PRR16: variants seen among roughly 807,000 people sequenced by gnomAD.
The protein encoded by PRR16 is protein Largen.
In PRR16, 6 loss-of-function variants were observed where a neutral mutation model predicts 18.2. The ratio of observed to expected loss-of-function variants is 0.33; its 90% confidence interval spans 0.18 to 0.65. The LOEUF (loss-of-function observed/expected upper bound fraction) is 0.65, where lower values mean the gene tolerates loss of function less well. Among genes scored for constraint, PRR16 ranks in the 30% least tolerant of loss-of-function variants. The probability of loss-of-function intolerance (pLI) is 0.74; values close to 1 mark genes in which losing one functional copy is unlikely to be tolerated. For synonymous variants in PRR16, 151 were observed against 147.8 expected, an observed-to-expected ratio of 1.02 and a Z score of -0.16; for missense variants, 412 against 376.6, an observed-to-expected ratio of 1.09 and a Z score of -0.78.
chr5:120,732,406 A>G, the PRR16 span, among the ~76,000 whole-genome samples: 1 of 152,084 alleles, frequency 6.6e-6, no homozygotes, highest in African/African-American at 2.4e-5. Context: ...AATTCTTTCC[A>G]AGGGAGCAGT....
At chr5:120,531,644 T>C (rs1433617423) in intron 1 of PRR16, 1 of 152,130 alleles carries the variant, frequency 6.6e-6, no homozygotes, top group Non-Finnish European at 1.5e-5. Flanking sequence ...TCTTCATTTA[T>C]TTAGGTAGCT....
the PRR16 span, among the ~76,000 whole-genome samples, chr5:120,787,442 T>C: frequency 6.6e-6 from 1 of 152,180 alleles, no homozygotes; most frequent in African/African-American, 2.4e-5. Flanking sequence ...TATCCAATCT[T>C]AGAATCTAAT....
At chr5:120,775,872 T>C in the PRR16 span, among the ~76,000 whole-genome samples, 1 of 149,048 alleles carries the variant, frequency 6.7e-6, no homozygotes, top group Non-Finnish European at 1.5e-5. Flanking sequence ...GGTCTCGAAC[T>C]CTTGACCTCA....
At chr5:120,691,653 G>A (rs937942330), downstream of PRR16, among the ~76,000 whole-genome samples, 1 of 152,056 alleles carries the variant, frequency 6.6e-6, no homozygotes, top group African/African-American at 2.4e-5. Context: ...CCTCTAAAGC[G>A]TGCTTACAAC....
the PRR16 span, among the ~76,000 whole-genome samples, chr5:120,785,636 G>A: frequency 2.8e-5 from 4 of 143,684 alleles, no homozygotes; most frequent in South Asian, 2.3e-4. Flanking sequence ...GCAGTGGCGC[G>A]ATCTCAGCTC....
At position 120,632,275 on chromosome 5, in the gene PRR16, G is replaced by A. The variant is rs72794315; in HGVS notation, c.160-53679G>A. 3.3e-3 allele frequency among the ~76,000 whole-genome samples: 505 copies of A among 152,184 alleles called. 5 individuals are homozygous for A. Among genetic ancestry groups the A allele is most frequent in the Admixed American group, 0.01 (153 of 15,276 alleles). ...TGTCTGACATAATCTACCCAAATGAGAAAGAACCAGAAAAATAATTCTGGT... is the reference window on the plus strand; with the variant it reads ...TGTCTGACATAATCTACCCAAATGAAAAAGAACCAGAAAAATAATTCTGGT... On this transcript the variant is annotated intron_variant, in intron 1 of 1. Coordinates refer to ENST00000407149, the MANE Select transcript of PRR16 (RefSeq NM_001300783.2).
At chr5:120,497,727 A>G (rs943341897) in intron 1 of PRR16, among the ~76,000 whole-genome samples, 8 of 151,858 alleles carry the variant, frequency 5.3e-5, no homozygotes, top group African/African-American at 1.9e-4. Context: ...GTCTCTCCTC[A>G]GAAATGAACA....
chr5:120,681,824 G>A (rs754157134), intron 1 of PRR16, among the ~76,000 whole-genome samples: 1 of 152,094 alleles, frequency 6.6e-6, no homozygotes, highest in Non-Finnish European at 1.5e-5. Flanking sequence ...CTTAATTTTT[G>A]TTACTCTATA....
At chr5:120,722,095 C>T in the PRR16 span, among the ~76,000 whole-genome samples, 1 of 151,964 alleles carries the variant, frequency 6.6e-6, no homozygotes, top group African/African-American at 2.4e-5. Flanking sequence ...CATTGTTGGA[C>T]TCCCACTTAC....
chr5:120,781,691 G>C, the PRR16 span, among the ~76,000 whole-genome samples: 2 of 148,728 alleles, frequency 1.3e-5, no homozygotes, highest in African/African-American at 4.9e-5. Context: ...TCTCAACCCC[G>C]TCAATATACA....
rs1749006360 is a variant in PRR16 at position 120,464,361 on chromosome 5, TGCCCAGGGAGC to T, written c.-120_-110del. 16 of 1,082,254 alleles carry T rather than the reference TGCCCAGGGAGC, an allele frequency of 1.5e-5. No individual in the cohort carries two copies. The East Asian group carries it at 4.9e-4, about 33-fold the overall frequency. 67.0% of individuals were successfully genotyped at this position (1,082,254 alleles called of 1,614,324 possible). A position where few individuals can be genotyped will look rare whatever the true frequency, so the allele number is the denominator to read the frequency against. On this transcript the variant is annotated 5_prime_UTR_variant, in exon 1 of 2. The change creates a premature stop within an existing upstream ORF in the 5' untranslated region. Transcript: ENST00000407149. ...AGCGCGGAGCGCAGCCACTCGCCGC[TGCCCAGGGAGC>T]GCCCAAGATGTGGGGGGACCGGGGC...
chr5:120,620,739 C>T (rs76385224), intron 1 of PRR16, among the ~76,000 whole-genome samples: 9,079 of 152,058 alleles, frequency 0.06, 338 homozygotes, highest in Middle Eastern at 0.088. Context: ...CAAGCCTTGT[C>T]TCTCCCTAGT....
At chr5:120,571,643 G>T (rs1023393666) in intron 1 of PRR16, among the ~76,000 whole-genome samples, 1 of 152,104 alleles carries the variant, frequency 6.6e-6, no homozygotes, top group Admixed American at 6.6e-5. Flanking sequence ...TAGTTAGAAG[G>T]CTTTAAGTTA....
intron 1 of PRR16, among the ~76,000 whole-genome samples, chr5:120,516,185 A>C (rs946596692): frequency 6.6e-6 from 1 of 152,146 alleles, no homozygotes; most frequent in Non-Finnish European, 1.5e-5. Flanking sequence ...GCACTTTGGG[A>C]GGTGGAGGTG....
chr5:120,522,026 A>G (rs903710533), intron 1 of PRR16, among the ~76,000 whole-genome samples: 1 of 152,206 alleles, frequency 6.6e-6, no homozygotes, highest in Non-Finnish European at 1.5e-5. Flanking sequence ...ACTGCATGGT[A>G]TTCCATGGTG....
the PRR16 span, among the ~76,000 whole-genome samples, chr5:120,777,643 G>T: frequency 6.6e-6 from 1 of 152,024 alleles, no homozygotes; most frequent in Non-Finnish European, 1.5e-5. Flanking sequence ...ATCTAGACTA[G>T]TGATATACAT....
intron 1 of PRR16, among the ~76,000 whole-genome samples, chr5:120,551,360 A>G (rs1752247978): frequency 1.3e-5 from 2 of 151,984 alleles, no homozygotes; most frequent in Non-Finnish European, 2.9e-5. Context: ...TTTGACTTTT[A>G]TAGTCAGATG....
At chr5:120,514,656 A>G (rs564111429) in intron 1 of PRR16, among the ~76,000 whole-genome samples, 1 of 152,336 alleles carries the variant, frequency 6.6e-6, no homozygotes, top group East Asian at 1.9e-4. Flanking sequence ...GGTTATTTGC[A>G]AGTGTAACCA....
the PRR16 span, among the ~76,000 whole-genome samples, chr5:120,741,129 AT>A: frequency 4.3e-4 from 66 of 152,030 alleles, no homozygotes; most frequent in African/African-American, 1.3e-3. Flanking sequence ...TAAATTAAAA[AT>A]TTTTTTATAT....
Sources: allele counts gnomAD v4.1 joint callset (sites outside exome capture counted in the v4.1 genomes callset), GRCh38; gene constraint gnomAD v4.1.1; transcripts MANE v1.5; gene names NCBI Gene and HGNC (gene_info 2026-07-23, HGNC 2026-07-21).